TTC13: variants seen among roughly 807,000 people sequenced by gnomAD.
TTC13 encodes tetratricopeptide repeat protein 13.
TTC13 carries 62 observed loss-of-function variants against 120.0 expected under a neutral mutation model. That is an observed-to-expected ratio of 0.52 (90% CI 0.42 to 0.64). The LOEUF (loss-of-function observed/expected upper bound fraction) is 0.64, where lower values mean the gene tolerates loss of function less well. Ranked by LOEUF, TTC13 falls within the 30% of genes least tolerant of loss-of-function variation. TTC13 has a pLI of 0.00. For synonymous variants in TTC13, 384 were observed against 393.5 expected, an observed-to-expected ratio of 0.98 and a Z score of 0.28; for missense variants, 824 against 1,050.2, an observed-to-expected ratio of 0.78 and a Z score of 2.98.
rs564752600 is a variant in TTC13 at position 230,971,668 on chromosome 1, A to C, written c.271+6892T>G. Among the ~76,000 whole-genome samples, 200 of 152,362 alleles carry C rather than the reference A, an allele frequency of 1.3e-3. 1 individual carries two copies. In the Middle Eastern group the frequency reaches 0.024, roughly 18 times the overall value. ...TTTTTTGTTTTTTAACAAAGCTTGA[A>C]TGTAATAGGATCAAAGGTATCTTAA... is the stretch of plus-strand genomic sequence containing the variant. On this transcript the variant is annotated intron_variant, in intron 1 of 22. Transcript: ENST00000366661.
intron 1 of TTC13, among the ~76,000 whole-genome samples, chr1:230,966,628 A>G (rs1446206010): frequency 6.6e-6 from 1 of 152,248 alleles, no homozygotes; most frequent in African/African-American, 2.4e-5. Flanking sequence ...CCCTGTGGGA[A>G]AACTGATAGC....
At chr1:230,908,172 C>T (rs987317903) in intron 22 of TTC13, among the ~76,000 whole-genome samples, 6 of 152,144 alleles carry the variant, frequency 3.9e-5, no homozygotes, top group African/African-American at 1.4e-4. Context: ...CTTTCACCAA[C>T]TACTTTTTAA....
intron 1 of TTC13, among the ~76,000 whole-genome samples, chr1:230,968,297 C>CACTGATGTGAA (rs1464664216): frequency 4.0e-5 from 2 of 50,390 alleles, no homozygotes; most frequent in South Asian, 9.8e-4. Flanking sequence ...GGTATATGCA[C>CACTGATGTGAA]ACTGACCTCC....
intron 18 of TTC13, among the ~76,000 whole-genome samples, chr1:230,914,290 G>A (rs181637066): frequency 6.6e-5 from 10 of 152,064 alleles, no homozygotes; most frequent in South Asian, 6.3e-4. Context: ...CAACCCCTCC[G>A]TATCCTCCTC....
At chr1:230,953,217 T>A (rs114085612) in intron 4 of TTC13, among the ~76,000 whole-genome samples, 214 of 152,334 alleles carry the variant, frequency 1.4e-3, no homozygotes, top group African/African-American at 5.0e-3. Flanking sequence ...CACCCAAATA[T>A]ACCACTCCTT....
intron 3 of TTC13, among the ~76,000 whole-genome samples, chr1:230,955,682 A>T (rs1271815324): frequency 2.0e-5 from 3 of 151,870 alleles, no homozygotes; most frequent in East Asian, 3.9e-4. Flanking sequence ...AAAAAAAAAA[A>T]AAAGGAGTAA....
chr1:230,959,711 AC>A (rs1676446636), intron 2 of TTC13, among the ~76,000 whole-genome samples: 1 of 152,178 alleles, frequency 6.6e-6, no homozygotes, highest in African/African-American at 2.4e-5. Context: ...GATGAAAAAG[AC>A]CCTTTCCTAT....
intron 14 of TTC13, 122 bp from the exon 15 acceptor site, chr1:230,924,055 T>C (rs1366667339): frequency 4.4e-5 from 27 of 609,584 alleles, no homozygotes; most frequent in Admixed American, 1.3e-4. Context: ...AAAAACGTGA[T>C]GTCCATACCT....
At chr1:230,966,739 A>AT (rs1312834545) in intron 1 of TTC13, among the ~76,000 whole-genome samples, 5 of 152,220 alleles carry the variant, frequency 3.3e-5, no homozygotes, top group African/African-American at 4.8e-5. Context: ...GAGGACGTGA[A>AT]TAACACCAGC....
At chr1:230,943,593 A>G (rs1464295525) in intron 6 of TTC13, among the ~76,000 whole-genome samples, 1 of 152,208 alleles carries the variant, frequency 6.6e-6, no homozygotes, top group African/African-American at 2.4e-5. Context: ...ATATTTTCAT[A>G]CTAAATATTA....
chr1:230,933,917 C>T, intron 8 of TTC13, 56 bp from the exon 9 acceptor site: 3 of 1,125,378 alleles, frequency 2.7e-6, no homozygotes, highest in Non-Finnish European at 3.9e-6. Flanking sequence ...AATTGAGATT[C>T]ACTTAAATCA....
chr1:230,910,634 G>A (rs1315643326), intron 20 of TTC13, among the ~76,000 whole-genome samples: 1 of 152,264 alleles, frequency 6.6e-6, no homozygotes, highest in East Asian at 1.9e-4. Flanking sequence ...GAGGACAAAG[G>A]ACGGATGCTG....
chr1:230,916,307 C>T lies in TTC13; in HGVS notation c.1984-5G>A. Reference sequence around the variant, plus strand: ...CTTCGTTTTAGTATTAAACTGCTTTCAGGGAAAAAGAAAATTCACGTTACT... The same window carrying T: ...CTTCGTTTTAGTATTAAACTGCTTTTAGGGAAAAAGAAAATTCACGTTACT... On this transcript the variant is annotated splice_polypyrimidine_tract_variant and splice_region_variant and intron_variant, in intron 17 of 22. Transcript: ENST00000366661. The T allele has an allele frequency of 6.2e-7, 1 of 1,609,314 alleles. No homozygotes were observed. Among genetic ancestry groups the T allele is most frequent in the Non-Finnish European group, 8.5e-7 (1 of 1,175,650 alleles).
intron 4 of TTC13, among the ~76,000 whole-genome samples, chr1:230,949,569 T>C (rs900177177): frequency 1.3e-5 from 2 of 151,264 alleles, no homozygotes; most frequent in African/African-American, 4.9e-5. Context: ...GTCTCATCAT[T>C]ACTACAGCAC....
intron 20 of TTC13, among the ~76,000 whole-genome samples, chr1:230,909,783 T>C (rs576878125): frequency 1.3e-5 from 2 of 152,298 alleles, no homozygotes; most frequent in South Asian, 2.1e-4. Context: ...AAGGTGGCTG[T>C]TAGAGGCCAG....
At position 230,939,421 on chromosome 1, in the gene TTC13, T is replaced by C; in HGVS notation, c.865A>G (p.Lys289Glu). The change falls in exon 8 of 23, where the codon AAA becomes GAA. Residue 289 changes from lysine to glutamate, a missense_variant. Transcript: ENST00000366661. ...NKNQPIAMLY[K>E]GLTFFHRGLL... ...CCTCTGTGAAAGAAAGTTAAACCTT[T>C]GTATAGCATAGCTATAGGCTGGTTT... The C allele has an allele frequency of 2.5e-6, 4 of 1,612,374 alleles. No homozygotes were observed. The highest frequency in any genetic ancestry group is 3.4e-6 in the Non-Finnish European group (4 of 1,178,736).
In TTC13 at chr1:230,926,862, T is replaced by C. The variant is rs1459711492; in HGVS notation, c.1458-1215A>G. ...TGTATCTACTTGTATGCTGCTTTCC[T>C]ATCCCATCCTCCCATCTCTTGAAAT... On this transcript the variant is annotated intron_variant, in intron 12 of 22. Coordinates refer to ENST00000366661, the MANE Select transcript of TTC13 (RefSeq NM_024525.5). 2.0e-5 allele frequency among the ~76,000 whole-genome samples: 3 copies of C among 152,226 alleles called. No homozygotes were observed. In the East Asian group the frequency reaches 5.8e-4, roughly 29 times the overall value.
At chr1:230,975,838 T>TA (rs1678250059) in intron 1 of TTC13, among the ~76,000 whole-genome samples, 1 of 152,138 alleles carries the variant, frequency 6.6e-6, no homozygotes, top group African/African-American at 2.4e-5. Context: ...CACTGAGCAT[T>TA]AGGCTGTTCC....
chr1:230,955,775 C>T (rs1676026288), intron 3 of TTC13, among the ~76,000 whole-genome samples: 1 of 151,486 alleles, frequency 6.6e-6, no homozygotes, highest in African/African-American at 2.4e-5. Context: ...TCAAATTGAA[C>T]ACCATAATAA....
Sources: allele counts gnomAD v4.1 joint callset (sites outside exome capture counted in the v4.1 genomes callset), GRCh38; gene constraint gnomAD v4.1.1; transcripts MANE v1.5; gene names NCBI Gene and HGNC (gene_info 2026-07-23, HGNC 2026-07-21).